The following POFUT3 variants were observed in gnomAD, a reference collection of about 807,000 sequenced individuals.
The protein encoded by POFUT3 is GDP-fucose protein O-fucosyltransferase 3.
the POFUT3 span, among the ~76,000 whole-genome samples, chr8:33,406,914 T>C: frequency 6.6e-6 from 1 of 152,190 alleles, no homozygotes; most frequent in Non-Finnish European, 1.5e-5. Flanking sequence ...TCATTCATTC[T>C]GCATGTAATT....
chr8:33,453,592 C>G, the POFUT3 span: 4 of 1,214,470 alleles, frequency 3.3e-6, no homozygotes, highest in Non-Finnish European at 4.6e-6. Context: ...ATGATTTAGC[C>G]CCTGACTCGT....
At chr8:33,311,521 G>A in the POFUT3 span, among the ~76,000 whole-genome samples, 9 of 152,196 alleles carry the variant, frequency 5.9e-5, no homozygotes, top group Non-Finnish European at 1.3e-4. Context: ...TCCCACTGTA[G>A]AGAATCCTTC....
At chr8:33,320,315 A>T in the POFUT3 span, among the ~76,000 whole-genome samples, 1 of 152,076 alleles carries the variant, frequency 6.6e-6, no homozygotes, top group Admixed American at 6.6e-5. Context: ...AATGATAATG[A>T]GATAATATTC....
chr8:33,422,136 A>T, the POFUT3 span, among the ~76,000 whole-genome samples: 2 of 151,954 alleles, frequency 1.3e-5, no homozygotes, highest in Admixed American at 1.3e-4. Flanking sequence ...TTTTTGATAA[A>T]ATCACATATT....
At chr8:33,380,152 A>ATATATATATACTATATATATACAC in the POFUT3 span, among the ~76,000 whole-genome samples, 12 of 50,922 alleles carry the variant, frequency 2.4e-4, 1 homozygote, top group Admixed American at 3.2e-4. Flanking sequence ...TATATACACT[A>ATATATATATACTATATATATACAC]TATATATATA....
chr8:33,338,109 C>A, the POFUT3 span, among the ~76,000 whole-genome samples: 1 of 152,182 alleles, frequency 6.6e-6, no homozygotes, highest in Non-Finnish European at 1.5e-5. Flanking sequence ...CCCCTAAAAT[C>A]TCATTTTAAT....
chr8:33,370,056 G>T, the POFUT3 span, among the ~76,000 whole-genome samples: 31 of 151,770 alleles, frequency 2.0e-4, no homozygotes, highest in African/African-American at 6.3e-4. Flanking sequence ...GAATGGCCAG[G>T]CGCAGTGGCT....
the POFUT3 span, among the ~76,000 whole-genome samples, chr8:33,411,295 A>G: frequency 6.6e-6 from 1 of 152,234 alleles, no homozygotes; most frequent in African/African-American, 2.4e-5. Flanking sequence ...AATCCACAGC[A>G]CAGCTGGAAC....
the POFUT3 span, among the ~76,000 whole-genome samples, chr8:33,334,512 G>C: frequency 6.6e-6 from 1 of 152,140 alleles, no homozygotes; most frequent in Non-Finnish European, 1.5e-5. Flanking sequence ...CACAGTACCC[G>C]GCCGAGTTGC....
At chr8:33,462,168 GGACCA>G in the POFUT3 span, among the ~76,000 whole-genome samples, 54 of 14,444 alleles carry the variant, frequency 3.7e-3, no homozygotes, top group Non-Finnish European at 5.8e-3. Flanking sequence ...GAAGGGGAAG[GGACCA>G]GAGTGGTGAA....
At chr8:33,360,013 A>T in the POFUT3 span, among the ~76,000 whole-genome samples, 1 of 151,896 alleles carries the variant, frequency 6.6e-6, no homozygotes, top group Non-Finnish European at 1.5e-5. Flanking sequence ...CTCAAAAAAA[A>T]CCAAACCAAA....
At chr8:33,333,252 G>A in the POFUT3 span, among the ~76,000 whole-genome samples, 3 of 152,056 alleles carry the variant, frequency 2.0e-5, no homozygotes, top group East Asian at 5.8e-4. Context: ...ATATGTTTCA[G>A]GAAAAAGAAG....
the POFUT3 span, among the ~76,000 whole-genome samples, chr8:33,448,080 C>A: frequency 1.3e-5 from 2 of 152,084 alleles, no homozygotes; most frequent in Admixed American, 1.3e-4. Context: ...TGGCTCACAC[C>A]TGTAATCCCA....
At chr8:33,332,396 C>CA in the POFUT3 span, among the ~76,000 whole-genome samples, 1 of 150,220 alleles carries the variant, frequency 6.7e-6, no homozygotes, top group African/African-American at 2.5e-5. Context: ...GAGGGTGAGG[C>CA]AGGAGAATCG....
At chr8:33,465,453 T>C in the POFUT3 span, among the ~76,000 whole-genome samples, 1 of 151,092 alleles carries the variant, frequency 6.6e-6, no homozygotes, top group Admixed American at 6.6e-5. Flanking sequence ...GAGAGAGTTG[T>C]TGCTGTTGTT....
chr8:33,387,507 G>A, the POFUT3 span, among the ~76,000 whole-genome samples: 242 of 152,074 alleles, frequency 1.6e-3, no homozygotes, highest in African/African-American at 5.5e-3. Context: ...GTTGGCCTTC[G>A]GAAAATTTAG....
the POFUT3 span, among the ~76,000 whole-genome samples, chr8:33,432,714 T>C: frequency 6.6e-6 from 1 of 152,224 alleles, no homozygotes; most frequent in South Asian, 2.1e-4. Flanking sequence ...CTGAATATAC[T>C]AAACATTATA....
the POFUT3 span, chr8:33,389,369 C>T: frequency 1.2e-6 from 2 of 1,614,144 alleles, no homozygotes; most frequent in Non-Finnish European, 1.7e-6. Flanking sequence ...TGCAATGATC[C>T]TATAAAAGCC....
chr8:33,323,372 CA>C, the POFUT3 span, among the ~76,000 whole-genome samples: 1 of 152,150 alleles, frequency 6.6e-6, no homozygotes, highest in African/African-American at 2.4e-5. Context: ...TGCAAATCTG[CA>C]GGGTGCATGA....
Sources: allele counts gnomAD v4.1 joint callset (sites outside exome capture counted in the v4.1 genomes callset), GRCh38; gene constraint gnomAD v4.1.1; transcripts MANE v1.5; gene names NCBI Gene and HGNC (gene_info 2026-07-23, HGNC 2026-07-21).